ENOSF1: variants seen among roughly 807,000 people sequenced by gnomAD.
ENOSF1 encodes the protein mitochondrial enolase superfamily member 1.
Under a neutral mutation model 68.2 loss-of-function variants are expected in ENOSF1, and 73 were observed. The ratio of observed to expected loss-of-function variants is 1.07; its 90% CI spans 0.89 to 1.30. The LOEUF (loss-of-function observed/expected upper bound fraction) is 1.30, where lower values mean the gene tolerates loss of function less well. Ranked by LOEUF, ENOSF1 falls within the 50% of genes most tolerant of loss-of-function variation. The probability of loss-of-function intolerance (pLI) is 0.00; values close to 1 mark genes in which losing one functional copy is unlikely to be tolerated. For synonymous variants in ENOSF1, 223 were observed against 210.4 expected, an observed-to-expected ratio of 1.06 and a Z score of -0.52; for missense variants, 589 against 554.5, an observed-to-expected ratio of 1.06 and a Z score of -0.62.
intron 2 of ENOSF1, among the ~76,000 whole-genome samples, chr18:702,643 G>A (rs540698544): frequency 3.6e-4 from 55 of 152,054 alleles, no homozygotes; most frequent in Non-Finnish European, 7.1e-4. Flanking sequence ...GGGAAGGTGA[G>A]GTGGGACAAT....
chr18:690,526 C>T, intron 8 of ENOSF1, 23 bp downstream of exon 8: 2 of 1,614,110 alleles, frequency 1.2e-6, no homozygotes, highest in South Asian at 1.1e-5. Flanking sequence ...CAGCTGTCTA[C>T]AAAGCCAGGT....
Position 671,785 on chromosome 18 carries a change from CTTT to C in ENOSF1, c.*2517_*2519del, listed in dbSNP as rs58489074. ...TTGAAGTGCAAATGTTTTTCCTTTT[CTTT>C]TTTTTTTGAGATGGAGTCTTTCTCT... is the stretch of plus-strand genomic sequence containing the variant. On this transcript the variant is annotated 3_prime_UTR_variant, in exon 16 of 16. Transcript: ENST00000647584. The C allele has an allele frequency of 2.3e-4, 57 of 245,542 alleles. No homozygotes were observed. The highest frequency in any genetic ancestry group is 3.8e-4 in the Non-Finnish European group (49 of 129,218). 15.2% of individuals were successfully genotyped at this position (245,542 alleles called of 1,614,324 possible).
At position 712,235 on chromosome 18, in the gene ENOSF1, A is replaced by G. The variant is rs1036199515; in HGVS notation, c.84+269T>C. The G allele has an allele frequency of 1.6e-5, 24 of 1,506,204 alleles. No homozygotes were observed. In the African/African-American group the frequency reaches 2.2e-4, roughly 14 times the overall value. 93.3% of individuals were successfully genotyped at this position (1,506,204 alleles called of 1,614,324 possible). A position where few individuals can be genotyped will look rare whatever the true frequency, so the allele number is the denominator to read the frequency against. On this transcript the variant is annotated intron_variant, in intron 1 of 15. Coordinates refer to ENST00000647584, the MANE Select transcript of ENOSF1 (RefSeq NM_017512.7). ...CAATTGCTCCAAGGCATGAAAAGCG[A>G]GTGTCTCCCCCAGGCGCGCCTCCCA...
intron 4 of ENOSF1, 142 bp from the exon 5 acceptor site, chr18:694,050 G>A (rs1260025001): frequency 3.8e-6 from 4 of 1,061,776 alleles, no homozygotes; most frequent in East Asian, 2.6e-5. Flanking sequence ...TGCGCCTTCC[G>A]CCATCCTGTC....
chr18:684,489 G>A (rs2076429875), intron 10 of ENOSF1, among the ~76,000 whole-genome samples: 1 of 152,058 alleles, frequency 6.6e-6, no homozygotes, highest in South Asian at 2.1e-4. Context: ...TGATCATGCT[G>A]CTGTACTCTA....
chr18:679,794 G>A (rs1441406815), intron 11 of ENOSF1, among the ~76,000 whole-genome samples: 1 of 152,046 alleles, frequency 6.6e-6, no homozygotes, highest in African/African-American at 2.4e-5. Flanking sequence ...CTGTGACTGC[G>A]ACTCCACAGC....
chr18:690,742 G>A (rs201199295), intron 7 of ENOSF1, 111 bp from the exon 8 acceptor site: 191 of 1,213,922 alleles, frequency 1.6e-4, no homozygotes, highest in Non-Finnish European at 1.9e-4. Context: ...CTCCTGATCC[G>A]GCCCTGCACA....
At chr18:669,024 T>G (rs780060533), downstream of ENOSF1, 27 of 1,482,704 alleles carry the variant, frequency 1.8e-5, no homozygotes, top group Non-Finnish European at 2.5e-5. Flanking sequence ...TCTCATGACA[T>G]GTGTGATTAA....
At chr18:708,351 G>A (rs2079157912) in intron 1 of ENOSF1, among the ~76,000 whole-genome samples, 1 of 152,000 alleles carries the variant, frequency 6.6e-6, no homozygotes, top group African/African-American at 2.4e-5. Flanking sequence ...AGATACGTCT[G>A]CCCTTGAGGA....
chr18:675,446 G>C (rs2075393648), intron 14 of ENOSF1, 44 bp from the exon 15 acceptor site: 2 of 1,515,168 alleles, frequency 1.3e-6, no homozygotes, highest in Non-Finnish European at 1.8e-6. Flanking sequence ...CCTGAAGTCA[G>C]ATTATTCACG....
chr18:670,839 A>T lies in ENOSF1; in HGVS notation c.*3466T>A, dbSNP rs1374898824. On this transcript the variant is annotated 3_prime_UTR_variant, in exon 16 of 16. Transcript: ENST00000647584. ...ATCGCCAGCTACGCCCTGCTCACGT[A>T]CATGATTGCGCACATCACGGGCCTG... 6.2e-7 allele frequency: 1 copy of T among 1,613,998 alleles called. No homozygotes were observed.
intron 2 of ENOSF1, among the ~76,000 whole-genome samples, chr18:701,167 ATTCT>A (rs777837763): frequency 4.6e-5 from 7 of 152,164 alleles, no homozygotes; most frequent in Non-Finnish European, 1.0e-4. Flanking sequence ...CTATTTAAAA[ATTCT>A]TTCTTTGTAC....
At chr18:690,940 G>T in intron 7 of ENOSF1, 128 bp downstream of exon 7, 1 of 1,234,074 alleles carries the variant, frequency 8.1e-7, no homozygotes, top group Non-Finnish European at 1.1e-6. Flanking sequence ...AGACTTGAAT[G>T]TTGATTTGAG....
chr18:709,276 C>A (rs1282469183), intron 1 of ENOSF1, among the ~76,000 whole-genome samples: 1 of 151,958 alleles, frequency 6.6e-6, no homozygotes, highest in Non-Finnish European at 1.5e-5. Context: ...CGGAAAGACA[C>A]TGAGGCCTGA....
chr18:678,735 T>C lies in ENOSF1; in HGVS notation c.879A>G (p.Ala293=), dbSNP rs1283190056. The change falls in exon 12 of 16, where the codon GCA becomes GCG. Residue 293 remains alanine, a splice_region_variant and synonymous_variant. Transcript: ENST00000647584. The stretch of plus-strand genomic sequence containing the variant: ...CAATGCCAATTCCTAATGGGACCAG[T>C]GCCTATAAAATAGAAGGCAGCCTGG... ...DILGHATISK[A]LVPLGIGIAT... is the part of the protein sequence containing the mutation. 1 of 1,614,102 alleles carries C rather than the reference T, an allele frequency of 6.2e-7. No individual in the cohort carries two copies. Among genetic ancestry groups the C allele is most frequent in the African/African-American group, 1.3e-5 (1 of 74,938 alleles).
At chr18:699,958 T>C (rs1283105261) in intron 2 of ENOSF1, among the ~76,000 whole-genome samples, 11 of 152,180 alleles carry the variant, frequency 7.2e-5, no homozygotes, top group Non-Finnish European at 4.4e-5. Context: ...CAGGTGCCTG[T>C]AATCCCAGCT....
intron 5 of ENOSF1, chr18:692,162 C>A (rs1046256610): frequency 6.6e-6 from 1 of 152,258 alleles, no homozygotes; most frequent in Non-Finnish European, 1.5e-5. Flanking sequence ...TTCGGCGGGG[C>A]CTCGTGCTGA....
intron 1 of ENOSF1, among the ~76,000 whole-genome samples, chr18:711,625 GA>G (rs2079556225): frequency 6.6e-6 from 1 of 152,174 alleles, no homozygotes; most frequent in African/African-American, 2.4e-5. Flanking sequence ...CTGTATTTGG[GA>G]AACACCGCTC....
rs559886403 is a variant in ENOSF1, at chr18:711,558, AG to A, written c.84+945del. Among the ~76,000 whole-genome samples the A allele has an allele frequency of 8.9e-4, 135 of 152,284 alleles. 1 individual carries two copies. Among genetic ancestry groups the A allele is most frequent in the African/African-American group, 3.1e-3 (128 of 41,566 alleles). On this transcript the variant is annotated intron_variant, in intron 1 of 15. Coordinates refer to ENST00000647584, the MANE Select transcript of ENOSF1 (RefSeq NM_017512.7). ...CGGCCAATCTCATCAGTGGACTACG[AG>A]GGGCAGTGAGGACCCAGTGGGGAAC...
Sources: allele counts gnomAD v4.1 joint callset (sites outside exome capture counted in the v4.1 genomes callset), GRCh38; gene constraint gnomAD v4.1.1; transcripts MANE v1.5; gene names NCBI Gene and HGNC (gene_info 2026-07-23, HGNC 2026-07-21).